The following LHFPL3 variants were observed in gnomAD, a reference collection of about 807,000 sequenced individuals.
LHFPL3 encodes the protein LHFPL tetraspan subfamily member 3 protein.
A neutral mutation model predicts 19.3 loss-of-function variants in LHFPL3; 5 were observed. That is an observed-to-expected ratio of 0.26 (90% CI 0.14 to 0.54). The LOEUF (loss-of-function observed/expected upper bound fraction) is 0.54. LHFPL3 is among the 20% of genes least tolerant of loss of function. The pLI is 0.94. For missense variants in LHFPL3, 249 were observed against 307.4 expected, an observed-to-expected ratio of 0.81 and a Z score of 1.42; for synonymous variants, 133 against 126.2, an observed-to-expected ratio of 1.05 and a Z score of -0.36.
chr7:104,420,292 C>G (rs562408109), intron 1 of LHFPL3, among the ~76,000 whole-genome samples: 1 of 152,248 alleles, frequency 6.6e-6, no homozygotes, highest in Non-Finnish European at 1.5e-5. Flanking sequence ...GTGTCCATGG[C>G]AGCCTCCCCT....
chr7:104,733,124 G>C (rs1793736009), intron 1 of LHFPL3, among the ~76,000 whole-genome samples: 1 of 152,188 alleles, frequency 6.6e-6, no homozygotes, highest in African/African-American at 2.4e-5. Context: ...TACATTTGCT[G>C]AGGAGTGCTT....
intron 1 of LHFPL3, among the ~76,000 whole-genome samples, chr7:104,651,589 A>G (rs953941593): frequency 3.3e-5 from 5 of 152,270 alleles, no homozygotes; most frequent in African/African-American, 1.2e-4. Flanking sequence ...ACTAAGTTGG[A>G]TACAAGAGAT....
intron 1 of LHFPL3, among the ~76,000 whole-genome samples, chr7:104,628,041 C>T (rs533045136): frequency 1.4e-4 from 22 of 152,094 alleles, no homozygotes; most frequent in Non-Finnish European, 3.2e-4. Flanking sequence ...TGGCTCTTTT[C>T]ATGTTGGAGC....
At chr7:104,342,423 A>G (rs1789975415) in intron 1 of LHFPL3, among the ~76,000 whole-genome samples, 1 of 152,194 alleles carries the variant, frequency 6.6e-6, no homozygotes, top group African/African-American at 2.4e-5. Context: ...ATAATGCTTC[A>G]CAAAATCAGA....
chr7:104,615,234 A>C (rs926194272), intron 1 of LHFPL3, among the ~76,000 whole-genome samples: 1 of 152,340 alleles, frequency 6.6e-6, no homozygotes, highest in South Asian at 2.1e-4. Flanking sequence ...TACAAAGATG[A>C]TTTAGAGAAA....
chr7:104,645,574 C>A (rs1791916384), intron 1 of LHFPL3, among the ~76,000 whole-genome samples: 1 of 149,190 alleles, frequency 6.7e-6, no homozygotes, highest in Admixed American at 6.7e-5. Flanking sequence ...ATAAATGCAG[C>A]AAAATGTACC....
intron 1 of LHFPL3, among the ~76,000 whole-genome samples, chr7:104,474,805 A>G (rs1220697115): frequency 6.6e-6 from 1 of 152,164 alleles, no homozygotes; most frequent in Non-Finnish European, 1.5e-5. Context: ...AGGTGTTATG[A>G]AGAGGCTTTA....
At chr7:104,782,523 G>A (rs367867440) in intron 2 of LHFPL3, among the ~76,000 whole-genome samples, 13 of 152,228 alleles carry the variant, frequency 8.5e-5, no homozygotes, top group South Asian at 2.1e-4. Context: ...AGACACTTTC[G>A]TCATGGTCAC....
chr7:104,521,213 T>G (rs912653306), intron 1 of LHFPL3, among the ~76,000 whole-genome samples: 17 of 152,256 alleles, frequency 1.1e-4, no homozygotes, highest in South Asian at 6.2e-4. Context: ...GTACCCAGTA[T>G]TCATTCAGGA....
At position 104,724,599 on chromosome 7, in the gene LHFPL3, C is replaced by T. The variant is rs557716310; in HGVS notation, c.446-12076C>T. On this transcript the variant is annotated intron_variant, in intron 1 of 2. Transcript: ENST00000424859. ...TACAGTGGAACGACACACACTGGGA[C>T]CTTTCAGAGGGTGGAGGGTGGGAGG... is the stretch of plus-strand genomic sequence containing the variant. Among the ~76,000 whole-genome samples the T allele has an allele frequency of 1.6e-3, 242 of 152,108 alleles. 1 individual carries two copies. Among genetic ancestry groups the T allele is most frequent in the African/African-American group, 5.4e-3 (223 of 41,486 alleles).
At chr7:104,635,105 A>G (rs1226593874) in intron 1 of LHFPL3, among the ~76,000 whole-genome samples, 1 of 152,178 alleles carries the variant, frequency 6.6e-6, no homozygotes, top group Non-Finnish European at 1.5e-5. Flanking sequence ...AAAATTGTGC[A>G]GCCAAATTTC....
At chr7:104,540,398 C>G (rs1158003033) in intron 1 of LHFPL3, among the ~76,000 whole-genome samples, 2 of 152,086 alleles carry the variant, frequency 1.3e-5, no homozygotes, top group Non-Finnish European at 2.9e-5. Context: ...TTTTCATTGT[C>G]ATAACTAGGG....
intron 1 of LHFPL3, among the ~76,000 whole-genome samples, chr7:104,350,721 A>G (rs563985020): frequency 6.6e-6 from 1 of 152,276 alleles, no homozygotes; most frequent in South Asian, 2.1e-4. Flanking sequence ...ACTATGGAAG[A>G]GTGGGTGATA....
intron 1 of LHFPL3, among the ~76,000 whole-genome samples, chr7:104,603,049 T>A (rs1189065461): frequency 6.6e-6 from 1 of 151,824 alleles, no homozygotes; most frequent in Non-Finnish European, 1.5e-5. Context: ...TAAGTTTTCT[T>A]TTTTTTCTTT....
At chr7:104,582,154 A>G (rs2385238) in intron 1 of LHFPL3, among the ~76,000 whole-genome samples, 147,830 of 152,006 alleles carry the variant, frequency 0.97, 71,995 homozygotes, top group East Asian at 1. Context: ...GTTTTTAGTG[A>G]AGAGATTTGT....
At position 104,373,341 on chromosome 7, in the gene LHFPL3, T is replaced by C. The variant is rs1395600045; in HGVS notation, c.445+44117T>C. Among the ~76,000 whole-genome samples, 7 of 152,310 alleles carry C rather than the reference T, an allele frequency of 4.6e-5. 1 individual carries two copies. The highest frequency in any genetic ancestry group is 3.4e-3 in the Middle Eastern group (1 of 294). Reference sequence around the variant, plus strand: ...ATTTCAAGAAAAATTGTGAAATAAATGAAATGAATGTTTAGTTGGATGAAC... The same window carrying C: ...ATTTCAAGAAAAATTGTGAAATAAACGAAATGAATGTTTAGTTGGATGAAC... On this transcript the variant is annotated intron_variant, in intron 1 of 2. Coordinates refer to ENST00000424859, the MANE Select transcript of LHFPL3 (RefSeq NM_199000.3).
At position 104,527,027 on chromosome 7, in the gene LHFPL3, G is replaced by A. The variant is rs763813456; in HGVS notation, c.445+197803G>A. On this transcript the variant is annotated intron_variant, in intron 1 of 2. Coordinates refer to ENST00000424859, the MANE Select transcript of LHFPL3 (RefSeq NM_199000.3). ...GGTGCTATTTAAACAAAGGGTCAGG[G>A]AAGACCATTCCAAGAAGATAAGCCT... is the stretch of plus-strand genomic sequence containing the variant. Among the ~76,000 whole-genome samples the A allele has an allele frequency of 7.9e-5, 12 of 152,166 alleles. No individual in the cohort carries two copies. The East Asian group carries it at 1.3e-3, about 17-fold the overall frequency.
chr7:104,375,903 A>G (rs748119791), intron 1 of LHFPL3, among the ~76,000 whole-genome samples: 2 of 152,218 alleles, frequency 1.3e-5, no homozygotes, highest in Non-Finnish European at 2.9e-5. Context: ...TCTTTTCCCC[A>G]GCTCACTGTT....
At chr7:104,561,867 A>G (rs927920849) in intron 1 of LHFPL3, among the ~76,000 whole-genome samples, 5 of 152,034 alleles carry the variant, frequency 3.3e-5, no homozygotes, top group African/African-American at 7.3e-5. Context: ...AGCTCTTGTA[A>G]GGCAGGCCTG....
Sources: allele counts gnomAD v4.1 joint callset (sites outside exome capture counted in the v4.1 genomes callset), GRCh38; gene constraint gnomAD v4.1.1; transcripts MANE v1.5; gene names NCBI Gene and HGNC (gene_info 2026-07-23, HGNC 2026-07-21).